NEK10: variants seen among roughly 807,000 people sequenced by gnomAD.
The protein encoded by NEK10 is serine/threonine-protein kinase Nek10.
A neutral mutation model predicts 159.8 loss-of-function variants in NEK10; 122 were observed. That is an observed-to-expected ratio of 0.76 (90% CI 0.66 to 0.89). NEK10 has a LOEUF of 0.89. NEK10 is among the 40% of genes least tolerant of loss of function. The pLI is 0.00. For synonymous variants in NEK10, 466 were observed against 457.1 expected (o/e 1.02, Z -0.25); for missense variants, 1,342 against 1,323.1 (o/e 1.01, Z -0.22).
intron 23 of NEK10, among the ~76,000 whole-genome samples, chr3:27,246,001 G>A (rs2149277561): frequency 6.6e-6 from 1 of 152,214 alleles, no homozygotes; most frequent in Middle Eastern, 3.4e-3. Flanking sequence ...ACTTTTACTT[G>A]TAAAAGTAAA....
chr3:27,179,281 T>C (rs1263969033), intron 26 of NEK10, among the ~76,000 whole-genome samples: 1 of 152,204 alleles, frequency 6.6e-6, no homozygotes, highest in Non-Finnish European at 1.5e-5. Flanking sequence ...ATTTTGAACT[T>C]ATTAAATATT....
At chr3:27,112,320 C>T (rs1181175245) in intron 35 of NEK10, among the ~76,000 whole-genome samples, 2 of 152,160 alleles carry the variant, frequency 1.3e-5, no homozygotes, top group African/African-American at 2.4e-5. Flanking sequence ...CAAAAATGTA[C>T]CTTATCTTGA....
intron 3 of NEK10, among the ~76,000 whole-genome samples, chr3:27,348,559 C>G (rs2047733931): frequency 1.3e-5 from 2 of 152,154 alleles, no homozygotes; most frequent in African/African-American, 4.8e-5. Context: ...TGTCTATCTT[C>G]TGTGTGTCTG....
At chr3:27,335,059 C>G (rs2149729608) in intron 5 of NEK10, among the ~76,000 whole-genome samples, 1 of 152,222 alleles carries the variant, frequency 6.6e-6, no homozygotes, top group South Asian at 2.1e-4. Flanking sequence ...ACCAAAGTGG[C>G]TGGGCACGGT....
intron 5 of NEK10, among the ~76,000 whole-genome samples, chr3:27,323,573 G>A (rs913351317): frequency 1.3e-5 from 2 of 151,860 alleles, no homozygotes; most frequent in East Asian, 3.9e-4. Context: ...GAAACTGAAG[G>A]TGTATTTGCC....
intron 28 of NEK10, among the ~76,000 whole-genome samples, chr3:27,174,088 T>A (rs1176894588): frequency 6.6e-6 from 1 of 152,238 alleles, no homozygotes; most frequent in African/African-American, 2.4e-5. Flanking sequence ...CAATTTCTTC[T>A]ACAGGCTTTG....
chr3:27,331,321 G>A (rs1326048598), intron 5 of NEK10, among the ~76,000 whole-genome samples: 6 of 150,960 alleles, frequency 4.0e-5, no homozygotes, highest in Non-Finnish European at 8.8e-5. Context: ...CCAGTCTATG[G>A]TGCTAACTTG....
At chr3:27,368,812 A>G (rs1312641320) in intron 1 of NEK10, among the ~76,000 whole-genome samples, 2 of 152,326 alleles carry the variant, frequency 1.3e-5, no homozygotes, top group South Asian at 2.1e-4. Flanking sequence ...AGTAGGGCAG[A>G]AAAGCAGAGG....
intron 22 of NEK10, among the ~76,000 whole-genome samples, chr3:27,269,526 C>T (rs567739064): frequency 6.6e-5 from 10 of 152,106 alleles, no homozygotes; most frequent in South Asian, 2.1e-4. Flanking sequence ...TTTTTAGCAA[C>T]GAATTATGTT....
chr3:27,145,256 A>G (rs1282714677), intron 30 of NEK10, among the ~76,000 whole-genome samples: 2 of 152,194 alleles, frequency 1.3e-5, no homozygotes, highest in Non-Finnish European at 2.9e-5. Context: ...AATGTCAGTC[A>G]TACATAATAT....
chr3:27,208,397 T>C (rs1950709606), intron 23 of NEK10, among the ~76,000 whole-genome samples: 1 of 152,102 alleles, frequency 6.6e-6, no homozygotes, highest in African/African-American at 2.4e-5. Flanking sequence ...ATAGCATTGA[T>C]AAAATATAAC....
chr3:27,229,582 T>A (rs1953010851), intron 23 of NEK10, among the ~76,000 whole-genome samples: 1 of 151,964 alleles, frequency 6.6e-6, no homozygotes, highest in Admixed American at 6.6e-5. Flanking sequence ...CTCAAGGAGA[T>A]AACAGAGGAA....
chr3:27,192,884 C>T (rs1949237844), intron 25 of NEK10, among the ~76,000 whole-genome samples: 1 of 152,072 alleles, frequency 6.6e-6, no homozygotes, highest in Admixed American at 6.5e-5. Context: ...GAAAAGGCAC[C>T]ACAAAGAAGA....
intron 29 of NEK10, among the ~76,000 whole-genome samples, chr3:27,170,046 C>T (rs1306657038): frequency 6.6e-6 from 1 of 152,206 alleles, no homozygotes; most frequent in African/African-American, 2.4e-5. Context: ...TATGCCTTCC[C>T]AAGCTTGATC....
At chr3:27,242,931 A>C (rs1954710861) in intron 23 of NEK10, among the ~76,000 whole-genome samples, 1 of 152,208 alleles carries the variant, frequency 6.6e-6, no homozygotes, top group Admixed American at 6.5e-5. Context: ...GAGTATTGCC[A>C]ATGTATCAAG....
chr3:27,304,650 A>T, intron 12 of NEK10, 97 bp downstream of exon 12: 1 of 746,416 alleles, frequency 1.3e-6, no homozygotes, highest in Non-Finnish European at 2.4e-6. Flanking sequence ...CCAAAGCAGG[A>T]GGGAATGAGG....
chr3:27,260,679 C>T (rs1404110496), intron 22 of NEK10, among the ~76,000 whole-genome samples: 1 of 152,058 alleles, frequency 6.6e-6, no homozygotes, highest in Non-Finnish European at 1.5e-5. Flanking sequence ...GTCTAAAATT[C>T]TCTTTTTTGG....
intron 13 of NEK10, among the ~76,000 whole-genome samples, chr3:27,298,996 T>C (rs993424207): frequency 6.6e-6 from 1 of 152,088 alleles, no homozygotes; most frequent in African/African-American, 2.4e-5. Flanking sequence ...GACAATGCAA[T>C]AGAAAAGAAA....
intron 29 of NEK10, 63 bp from the exon 30 acceptor site, chr3:27,162,801 C>A (rs1946140133): frequency 6.2e-7 from 1 of 1,608,826 alleles, no homozygotes; most frequent in South Asian, 1.1e-5. Context: ...AAACTAAGAG[C>A]CTACATCTTG....
Sources: allele counts gnomAD v4.1 joint callset (sites outside exome capture counted in the v4.1 genomes callset), GRCh38; gene constraint gnomAD v4.1.1; transcripts MANE v1.5; gene names NCBI Gene and HGNC (gene_info 2026-07-23, HGNC 2026-07-21).